Variants in DNER observed in about 807,000 individuals in gnomAD.
DNER encodes the protein delta/notch like EGF repeat containing.
DNER carries 33 observed loss-of-function variants against 78.2 expected under a neutral mutation model. That is an observed-to-expected ratio of 0.42 (90% CI 0.32 to 0.56). The LOEUF (loss-of-function observed/expected upper bound fraction) is 0.56. Among genes scored for constraint, DNER ranks in the 20% least tolerant of loss-of-function variants. The pLI, the probability that DNER is intolerant of heterozygous loss-of-function variation, is 0.11. For missense variants in DNER, 918 were observed against 975.3 expected (o/e 0.94, Z 0.78); for synonymous variants, 417 against 384.8 (o/e 1.08, Z -0.98).
rs755586365 is a variant in DNER at position 229,591,911 on chromosome 2, T to C, written c.277-23A>G. ...AAGCTGAAACGAGACCATAAATGGG[T>C]CAATTATTCCCTCATAAGAAAAGTG... On this transcript the variant is annotated intron_variant, in intron 1 of 12. Transcript: ENST00000341772. The surrounding 1 kb of genome is among the most constrained non-coding windows in gnomAD (Gnocchi z 4.6). 2 of 1,492,480 alleles carry C rather than the reference T, an allele frequency of 1.3e-6. No homozygotes were observed. Among genetic ancestry groups the C allele is most frequent in the Non-Finnish European group, 8.9e-7 (1 of 1,123,856 alleles). 92.5% of individuals were successfully genotyped at this position (1,492,480 alleles called of 1,614,324 possible). A position where few individuals can be genotyped will look rare whatever the true frequency, so the allele number is the denominator to read the frequency against.
intron 10 of DNER, among the ~76,000 whole-genome samples, chr2:229,389,333 C>G (rs549762280): frequency 7.0e-6 from 1 of 143,098 alleles, no homozygotes; most frequent in African/African-American, 3.0e-5. Context: ...GATTTTAAAG[C>G]CATCATTAAG....
chr2:229,667,013 G>A (rs894278203), intron 1 of DNER, among the ~76,000 whole-genome samples: 26 of 152,326 alleles, frequency 1.7e-4, no homozygotes, highest in African/African-American at 5.8e-4. Context: ...GAGTCACCCC[G>A]GCAGAGGGCC....
At position 229,417,352 on chromosome 2, in the gene DNER, G is replaced by A. The variant is rs888411633; in HGVS notation, c.1609+756C>T. 3.3e-5 allele frequency among the ~76,000 whole-genome samples: 5 copies of A among 152,170 alleles called. No individual in the cohort carries two copies. The South Asian group carries it at 8.3e-4, about 25-fold the overall frequency. ...ATGGCTATAAATAGAGCCCACAAAC[G>A]CATTCCAAAATCTAAACCCGGCCCC... On this transcript the variant is annotated intron_variant, in intron 9 of 12. Transcript: ENST00000341772.
intron 8 of DNER, among the ~76,000 whole-genome samples, chr2:229,446,547 A>T (rs919483963): frequency 6.6e-6 from 1 of 152,130 alleles, no homozygotes; most frequent in African/African-American, 2.4e-5. Context: ...ATGTGTGGGG[A>T]TTCATTGTGC....
At chr2:229,397,761 C>A (rs1248618618) in intron 10 of DNER, among the ~76,000 whole-genome samples, 3 of 151,930 alleles carry the variant, frequency 2.0e-5, no homozygotes, top group Non-Finnish European at 2.9e-5. Flanking sequence ...AAACAACATG[C>A]TCATAAGTAA....
intron 5 of DNER, among the ~76,000 whole-genome samples, chr2:229,545,318 T>C (rs771961828): frequency 4.6e-5 from 7 of 152,136 alleles, no homozygotes; most frequent in Non-Finnish European, 7.4e-5. Flanking sequence ...CTCACACCTG[T>C]AATCCCAACA....
chr2:229,365,867 T>C (rs1692335197), intron 12 of DNER, among the ~76,000 whole-genome samples: 1 of 152,246 alleles, frequency 6.6e-6, no homozygotes, highest in Admixed American at 6.5e-5. Context: ...ACTTACTTTC[T>C]GAATTGTGTG....
chr2:229,546,633 G>A (rs1042536236), intron 5 of DNER, among the ~76,000 whole-genome samples: 1 of 152,188 alleles, frequency 6.6e-6, no homozygotes, highest in Non-Finnish European at 1.5e-5. Context: ...CTACTCAGGA[G>A]GCTGAAACAG....
chr2:229,508,723 TACAAAA>T lies in DNER; in HGVS notation c.1147+4054_1147+4059del, dbSNP rs369152718. 9.2e-3 allele frequency among the ~76,000 whole-genome samples: 1,399 copies of T among 151,686 alleles called. 16 individuals are homozygous for T. Among genetic ancestry groups the T allele is most frequent in the African/African-American group, 0.032 (1,319 of 41,360 alleles). On this transcript the variant is annotated intron_variant, in intron 6 of 12. Transcript: ENST00000341772. ...GGTGAAACCCCGTCTCTACTAAAAA[TACAAAA>T]AATTAGCCGGGCGTGGTGGCAAGCA...
intron 12 of DNER, among the ~76,000 whole-genome samples, chr2:229,362,662 A>G (rs976126440): frequency 1.2e-4 from 18 of 152,184 alleles, no homozygotes; most frequent in African/African-American, 4.1e-4. Flanking sequence ...ATGCTTGCCA[A>G]TGAGTTATTT....
At chr2:229,606,961 A>G (rs986308519) in intron 1 of DNER, among the ~76,000 whole-genome samples, 2 of 152,114 alleles carry the variant, frequency 1.3e-5, no homozygotes. Context: ...AAGTGGAGTG[A>G]CACTTTTCAC....
chr2:229,575,165 A>C (rs1191801166), intron 4 of DNER, among the ~76,000 whole-genome samples: 1 of 152,082 alleles, frequency 6.6e-6, no homozygotes, highest in Non-Finnish European at 1.5e-5. Context: ...ATTTTTTTTA[A>C]ATAGAGTGTT....
intron 8 of DNER, among the ~76,000 whole-genome samples, chr2:229,444,037 A>G (rs1275602855): frequency 6.6e-6 from 1 of 152,222 alleles, no homozygotes; most frequent in Non-Finnish European, 1.5e-5. Context: ...GAACAAATGA[A>G]GGGATCATGT....
intron 7 of DNER, among the ~76,000 whole-genome samples, chr2:229,467,838 A>G (rs375703678): frequency 5.5e-4 from 84 of 152,374 alleles, no homozygotes; most frequent in South Asian, 2.5e-3. Context: ...GACAAGAAAA[A>G]AAATAAAAAT....
chr2:229,520,224 C>T (rs1218783689), intron 5 of DNER, among the ~76,000 whole-genome samples: 4 of 152,172 alleles, frequency 2.6e-5, no homozygotes, highest in South Asian at 2.1e-4. Context: ...CTCCTTCTTC[C>T]GTGTCTATCT....
chr2:229,570,591 C>T (rs1400936007), intron 4 of DNER, among the ~76,000 whole-genome samples: 3 of 148,704 alleles, frequency 2.0e-5, no homozygotes, highest in Admixed American at 6.7e-5. Context: ...TGCGCCATTA[C>T]ACTCCAGCTT....
At chr2:229,377,824 TGGG>T (rs1692641641) in intron 11 of DNER, among the ~76,000 whole-genome samples, 1 of 152,152 alleles carries the variant, frequency 6.6e-6, no homozygotes, top group Non-Finnish European at 1.5e-5. Flanking sequence ...ATACCATTGG[TGGG>T]TGGTACGAAA....
In DNER at chr2:229,537,176, C is replaced by T. The variant is rs117241583; in HGVS notation, c.993+9771G>A. The stretch of plus-strand genomic sequence containing the variant: ...AAGATCCTCATATGATTCACGTGCA[C>T]ATTAAGGTTTGAGAATGCTGCACCA... On this transcript the variant is annotated intron_variant, in intron 5 of 12. Transcript: ENST00000341772. 8.1e-4 allele frequency among the ~76,000 whole-genome samples: 124 copies of T among 152,240 alleles called. 1 individual carries two copies. Among genetic ancestry groups the T allele is most frequent in the Admixed American group, 5.0e-3 (77 of 15,286 alleles).
intron 1 of DNER, among the ~76,000 whole-genome samples, chr2:229,671,966 A>G (rs2154216853): frequency 6.6e-6 from 1 of 152,344 alleles, no homozygotes; most frequent in Non-Finnish European, 1.5e-5. Context: ...GGAGGGTAGG[A>G]CAAGTTTGCC....
Sources: gnomAD v4.1 joint callset for allele counts (sites outside exome capture counted in the v4.1 genomes callset) on GRCh38, gnomAD v4.1.1 for gene constraint, Gnocchi (gnomAD v3.1) non-coding constraint, MANE v1.5 for transcripts, NCBI Gene and HGNC (gene_info 2026-07-23, HGNC 2026-07-21) for gene names.